WWOX: variants seen among roughly 807,000 people sequenced by gnomAD.
WWOX encodes the protein WW domain-containing oxidoreductase.
A neutral mutation model predicts 46.2 loss-of-function variants in WWOX; 69 were observed. That is an observed-to-expected ratio of 1.49 (90% CI 1.23 to 1.82). The LOEUF is 1.82. WWOX is among the 40% of genes most tolerant of loss of function. WWOX has a pLI of 0.00. For synonymous variants in WWOX, 359 were observed against 202.6 expected, an observed-to-expected ratio of 1.77 and a Z score of -6.56; for missense variants, 919 against 542.6, an observed-to-expected ratio of 1.69 and a Z score of -6.89.
At chr16:78,703,064 G>A (rs1349754772) in intron 8 of WWOX, among the ~76,000 whole-genome samples, 1 of 152,248 alleles carries the variant, frequency 6.6e-6, no homozygotes, top group Middle Eastern at 3.4e-3. Flanking sequence ...GATCAGAGAA[G>A]GCTCCTCCGA....
At chr16:79,200,473 C>G (rs997980065) in intron 8 of WWOX, among the ~76,000 whole-genome samples, 1 of 152,174 alleles carries the variant, frequency 6.6e-6, no homozygotes, top group African/African-American at 2.4e-5. Context: ...TGCCCCGTTG[C>G]TTGGCCGTGA....
At position 79,212,241 on chromosome 16, in the gene WWOX, T is replaced by C. The variant is rs1184171756; in HGVS notation, c.*445T>C. ...CAAGTGTTCACTGCTCCTTGCTGCA[T>C]TGATCCAGGAGATAATTGTTTCATT... On this transcript the variant is annotated 3_prime_UTR_variant, in exon 9 of 9. Transcript: ENST00000566780. The C allele has an allele frequency of 1.5e-6, 2 of 1,350,366 alleles. No individual in the cohort carries two copies. Among genetic ancestry groups the C allele is most frequent in the East Asian group, 2.5e-5 (1 of 39,792 alleles). 83.6% of individuals were successfully genotyped at this position (1,350,366 alleles called of 1,614,324 possible). A position where few individuals can be genotyped will look rare whatever the true frequency, so the allele number is the denominator to read the frequency against.
intron 8 of WWOX, among the ~76,000 whole-genome samples, chr16:78,454,027 A>G (rs12050938): frequency 0.12 from 18,202 of 152,086 alleles, 1,689 homozygotes; most frequent in African/African-American, 0.25. Flanking sequence ...GATTTCAGTG[A>G]GAAATATATG....
At chr16:78,423,846 A>T in intron 6 of WWOX, among the ~76,000 whole-genome samples, 1 of 150,914 alleles carries the variant, frequency 6.6e-6, no homozygotes, top group Non-Finnish European at 1.5e-5. Context: ...ATCTTGTCAA[A>T]AAAAAAAAAA....
chr16:79,206,319 ATT>A (rs2051508540), intron 8 of WWOX: 1 of 152,162 alleles, frequency 6.6e-6, no homozygotes, highest in African/African-American at 2.4e-5. Context: ...ACGTGCAAAT[ATT>A]TGTGTCACAT....
chr16:78,810,806 A>G (rs960869370), intron 8 of WWOX, among the ~76,000 whole-genome samples: 3 of 152,216 alleles, frequency 2.0e-5, no homozygotes, highest in East Asian at 1.9e-4. Flanking sequence ...CAGGGGGGAA[A>G]AAAAACTCCC....
chr16:78,414,358 C>T (rs2082750111), intron 6 of WWOX, among the ~76,000 whole-genome samples: 1 of 152,294 alleles, frequency 6.6e-6, no homozygotes. Context: ...CACTTGAGGT[C>T]AGGAGTTCAA....
intron 8 of WWOX, among the ~76,000 whole-genome samples, chr16:78,577,851 T>C (rs527956887): frequency 2.6e-5 from 4 of 152,262 alleles, no homozygotes; most frequent in African/African-American, 9.6e-5. Flanking sequence ...TTTGGGCTTG[T>C]GCCGTTGGTA....
intron 8 of WWOX, among the ~76,000 whole-genome samples, chr16:79,130,331 A>G (rs1276811326): frequency 6.6e-6 from 1 of 152,250 alleles, no homozygotes; most frequent in Non-Finnish European, 1.5e-5. Flanking sequence ...GGATAATTAA[A>G]TATAAAATAA....
intron 8 of WWOX, among the ~76,000 whole-genome samples, chr16:78,667,907 G>A (rs925630285): frequency 6.6e-6 from 1 of 151,986 alleles, no homozygotes; most frequent in African/African-American, 2.4e-5. Flanking sequence ...CTGTTTCTAG[G>A]ATGTGCCCTC....
At chr16:78,960,752 C>T (rs1220491121) in intron 8 of WWOX, among the ~76,000 whole-genome samples, 1 of 152,128 alleles carries the variant, frequency 6.6e-6, no homozygotes, top group East Asian at 1.9e-4. Context: ...CAAAAGGAGC[C>T]TATGTAGCTT....
At chr16:78,591,967 C>T (rs185893016) in intron 8 of WWOX, among the ~76,000 whole-genome samples, 26 of 152,320 alleles carry the variant, frequency 1.7e-4, no homozygotes, top group Admixed American at 2.0e-4. Flanking sequence ...CCTAACAATG[C>T]GCCTATTGAC....
Position 79,069,260 on chromosome 16 carries a change from T to G in WWOX, c.1057-142348T>G, listed in dbSNP as rs147731920. Among the ~76,000 whole-genome samples, 1,208 of 152,326 alleles carry G rather than the reference T, an allele frequency of 7.9e-3. 8 individuals carry two copies. The highest frequency in any genetic ancestry group is 0.013 in the Non-Finnish European group (872 of 68,030). On this transcript the variant is annotated intron_variant, in intron 8 of 8. Transcript: ENST00000566780. ...AGTTGTGAGTACGATTAATGCTGTTTAGAGTTGCCAGTTCTCTTACGCACT... is the reference window on the plus strand; with the variant it reads ...AGTTGTGAGTACGATTAATGCTGTTGAGAGTTGCCAGTTCTCTTACGCACT...
chr16:78,325,513 G>C (rs1167272846), intron 5 of WWOX, among the ~76,000 whole-genome samples: 1 of 152,208 alleles, frequency 6.6e-6, no homozygotes, highest in Non-Finnish European at 1.5e-5. Context: ...ATGAGGCAAA[G>C]TTACCACCGT....
chr16:78,814,400 C>G (rs557548492), intron 8 of WWOX, among the ~76,000 whole-genome samples: 7 of 151,562 alleles, frequency 4.6e-5, no homozygotes, highest in African/African-American at 1.5e-4. Flanking sequence ...TTAAAAAATA[C>G]GATGTTTCTG....
chr16:78,985,256 G>A (rs778900259), intron 8 of WWOX, among the ~76,000 whole-genome samples: 3 of 152,210 alleles, frequency 2.0e-5, no homozygotes, highest in East Asian at 1.9e-4. Flanking sequence ...CACAAACGCT[G>A]TCTTCTGTCA....
At chr16:78,385,129 A>G (rs1180186278) in intron 5 of WWOX, among the ~76,000 whole-genome samples, 2 of 134,394 alleles carry the variant, frequency 1.5e-5, no homozygotes, top group Admixed American at 8.5e-5. Context: ...GTGAGACTCC[A>G]TCTAAACACA....
intron 8 of WWOX, among the ~76,000 whole-genome samples, chr16:78,975,508 C>T (rs762121906): frequency 7.9e-5 from 12 of 151,432 alleles, no homozygotes; most frequent in South Asian, 4.2e-4. Context: ...TTTTGAGATA[C>T]GACTTTCCTA....
chr16:78,723,491 T>C (rs986986069), intron 8 of WWOX, among the ~76,000 whole-genome samples: 5 of 152,168 alleles, frequency 3.3e-5, no homozygotes, highest in Admixed American at 2.6e-4. Context: ...TGTTTCTCTC[T>C]TTCCAGCCTC....
Sources: allele counts gnomAD v4.1 joint callset (sites outside exome capture counted in the v4.1 genomes callset), GRCh38; gene constraint gnomAD v4.1.1; transcripts MANE v1.5; gene names NCBI Gene and HGNC (gene_info 2026-07-23, HGNC 2026-07-21).